LAMA3: variants seen among roughly 807,000 people sequenced by gnomAD.
LAMA3 encodes laminin subunit alpha-3.
A neutral mutation model predicts 402.0 loss-of-function variants in LAMA3; 281 were observed. The ratio of observed to expected loss-of-function variants is 0.70; its 90% CI spans 0.63 to 0.77. The LOEUF (loss-of-function observed/expected upper bound fraction) is 0.77. Among genes scored for constraint, LAMA3 ranks in the 30% least tolerant of loss-of-function variants. LAMA3 has a pLI of 0.00. For missense variants in LAMA3, 3,840 were observed against 4,215.5 expected (o/e 0.91, Z 2.47); for synonymous variants, 1,431 against 1,558.4 (o/e 0.92, Z 1.93).
chr18:23,706,051 T>G (rs1376924413), intron 1 of LAMA3, among the ~76,000 whole-genome samples: 2 of 152,242 alleles, frequency 1.3e-5, no homozygotes, highest in African/African-American at 4.8e-5. Flanking sequence ...TTATTTTGCT[T>G]GCTCATAACT....
intron 2 of LAMA3, among the ~76,000 whole-genome samples, chr18:23,738,579 G>T (rs11877219): frequency 6.6e-6 from 1 of 152,160 alleles, no homozygotes. Flanking sequence ...AGTGAAGAAG[G>T]CTGCATAGTC....
At chr18:23,782,932 A>C (rs1050797745) in intron 11 of LAMA3, among the ~76,000 whole-genome samples, 1 of 152,028 alleles carries the variant, frequency 6.6e-6, no homozygotes, top group African/African-American at 2.4e-5. Flanking sequence ...GTGAGCTCTC[A>C]TGAAGTGTCC....
At chr18:23,690,070 G>A (rs970870939) in intron 1 of LAMA3, 93 bp downstream of exon 1, 1 of 1,030,070 alleles carries the variant, frequency 9.7e-7, no homozygotes. Context: ...TTCCTCACGC[G>A]CGCTAGTGGC....
intron 43 of LAMA3, among the ~76,000 whole-genome samples, chr18:23,894,586 AG>A (rs1276346889): frequency 6.6e-6 from 1 of 152,184 alleles, no homozygotes; most frequent in Non-Finnish European, 1.5e-5. Context: ...CCTACCTTAT[AG>A]GGATATTAGG....
intron 18 of LAMA3, among the ~76,000 whole-genome samples, chr18:23,818,196 T>A (rs1201701537): frequency 1.3e-5 from 2 of 152,206 alleles, no homozygotes; most frequent in Admixed American, 1.3e-4. Flanking sequence ...TTCATCTTGC[T>A]CCACCCTGGT....
rs147407524 is a variant in LAMA3, at chr18:23,838,593, A to G, written c.3094-188A>G. Among the ~76,000 whole-genome samples the G allele has an allele frequency of 3.7e-3, 565 of 152,378 alleles. 10 individuals carry two copies. The highest frequency in any genetic ancestry group is 0.032 in the Admixed American group (497 of 15,310). The stretch of plus-strand genomic sequence containing the variant: ...TCAGTAATTCTATAAAACAATAAAA[A>G]GGATTTGTTGCACATAATGATGCCT... On this transcript the variant is annotated intron_variant, in intron 25 of 74. Transcript: ENST00000313654.
intron 2 of LAMA3, 24 bp downstream of exon 2, chr18:23,714,096 T>A: frequency 6.2e-7 from 1 of 1,606,832 alleles, no homozygotes; most frequent in Non-Finnish European, 8.5e-7. Flanking sequence ...TTAACTGGAA[T>A]GGGAACATGA....
At chr18:23,719,563 A>G (rs1598641906) in intron 2 of LAMA3, among the ~76,000 whole-genome samples, 1 of 152,168 alleles carries the variant, frequency 6.6e-6, no homozygotes, top group Non-Finnish European at 1.5e-5. Context: ...CTACCTTTCT[A>G]ATTTTTCATG....
chr18:23,789,808 T>C (rs2062615988), intron 12 of LAMA3, among the ~76,000 whole-genome samples: 1 of 152,114 alleles, frequency 6.6e-6, no homozygotes, highest in Non-Finnish European at 1.5e-5. Flanking sequence ...TTCAAATGAG[T>C]GAATTGTATG....
At chr18:23,882,443 A>G (rs1050593020) in intron 40 of LAMA3, among the ~76,000 whole-genome samples, 1 of 152,042 alleles carries the variant, frequency 6.6e-6, no homozygotes, top group Non-Finnish European at 1.5e-5. Context: ...CAGCCTGGCC[A>G]ACATGGTGAA....
chr18:23,915,836 T>A (rs944889085), intron 59 of LAMA3, among the ~76,000 whole-genome samples: 3 of 150,984 alleles, frequency 2.0e-5, no homozygotes, highest in African/African-American at 7.3e-5. Context: ...CGAAACCCCA[T>A]CTCTATTAAA....
chr18:23,861,493 CT>C (rs1276518506), intron 34 of LAMA3, among the ~76,000 whole-genome samples, 152 bp from the exon 35 acceptor site: 2 of 152,218 alleles, frequency 1.3e-5, no homozygotes, highest in Admixed American at 6.5e-5. Context: ...GGGGCTCTGG[CT>C]CGGGAGGGCA....
At chr18:23,825,516 T>C (rs931154985) in intron 21 of LAMA3, among the ~76,000 whole-genome samples, 6 of 152,200 alleles carry the variant, frequency 3.9e-5, no homozygotes, top group African/African-American at 1.2e-4. Flanking sequence ...GGGACAATAC[T>C]TATCTTAATA....
intron 48 of LAMA3, among the ~76,000 whole-genome samples, chr18:23,902,082 A>G (rs2081089347): frequency 6.6e-6 from 1 of 152,212 alleles, no homozygotes. Flanking sequence ...TAACACTTTG[A>G]GAGGCCAAGG....
intron 42 of LAMA3, among the ~76,000 whole-genome samples, chr18:23,891,259 C>A (rs2080652573): frequency 2.0e-5 from 3 of 152,330 alleles, no homozygotes; most frequent in African/African-American, 4.8e-5. Flanking sequence ...GGGACAAAAT[C>A]TTTTGGGCCC....
rs7244776 is a variant in LAMA3, at chr18:23,790,563, C to A, written c.1603+6406C>A. 3.5e-3 allele frequency among the ~76,000 whole-genome samples: 531 copies of A among 152,176 alleles called. 1 individual carries two copies. Among genetic ancestry groups the A allele is most frequent in the African/African-American group, 0.012 (499 of 41,494 alleles). On this transcript the variant is annotated intron_variant, in intron 12 of 74. Transcript: ENST00000313654. ...GGAAGTAGTTTGCCACTTTTCTTTTCTGAGTAGTTTGTCACTTTTCTTTTA... is the reference window on the plus strand; with the variant it reads ...GGAAGTAGTTTGCCACTTTTCTTTTATGAGTAGTTTGTCACTTTTCTTTTA...
At chr18:23,819,403 G>A (rs528479369) in intron 18 of LAMA3, among the ~76,000 whole-genome samples, 35 of 152,236 alleles carry the variant, frequency 2.3e-4, no homozygotes, top group African/African-American at 8.4e-4. Flanking sequence ...AATATTTTAT[G>A]TCATGTTCAT....
At chr18:23,712,571 G>A (rs567696422) in intron 1 of LAMA3, among the ~76,000 whole-genome samples, 87 of 150,638 alleles carry the variant, frequency 5.8e-4, no homozygotes, top group Non-Finnish European at 1.8e-4. Context: ...ACCTCAGGAA[G>A]TGGCGGGGCC....
intron 23 of LAMA3, among the ~76,000 whole-genome samples, chr18:23,830,678 C>T (rs1188098948): frequency 2.0e-5 from 3 of 152,148 alleles, no homozygotes; most frequent in Non-Finnish European, 2.9e-5. Flanking sequence ...ACCGCTTCCT[C>T]AAAATATCAT....
Sources: allele counts gnomAD v4.1 joint callset (sites outside exome capture counted in the v4.1 genomes callset), GRCh38; gene constraint gnomAD v4.1.1; transcripts MANE v1.5; gene names NCBI Gene and HGNC (gene_info 2026-07-23, HGNC 2026-07-21).